DNAH14: variants seen among roughly 807,000 people sequenced by gnomAD.
The protein encoded by DNAH14 is axonemal beta dynein heavy chain 14.
DNAH14 carries 478 observed loss-of-function variants against 520.9 expected under a neutral mutation model. The observed-to-expected ratio is 0.92, with a 90% CI of 0.85 to 0.99. DNAH14 has a LOEUF of 0.99. DNAH14 is among the 50% of genes least tolerant of loss of function. DNAH14 has a pLI of 0.00. For synonymous variants in DNAH14, 1,581 were observed against 1,757.2 expected (o/e 0.90, Z 2.51); for missense variants, 4,831 against 5,234.5 (o/e 0.92, Z 2.38).
At position 225,093,225 on chromosome 1, in the gene DNAH14, C is replaced by T. The variant is rs116335511; in HGVS notation, c.3574-3893C>T. Among the ~76,000 whole-genome samples the T allele has an allele frequency of 1.7e-3, 263 of 151,326 alleles. 1 individual carries two copies. Among genetic ancestry groups the T allele is most frequent in the African/African-American group, 6.0e-3 (250 of 41,452 alleles). On this transcript the variant is annotated intron_variant, in intron 21 of 85. Transcript: ENST00000682510. The stretch of plus-strand genomic sequence containing the variant: ...ACTTCAGGCCAATATCCTTGACAAA[C>T]ATGCACATAAAAATACTAGCAAACT...
intron 1 of DNAH14, among the ~76,000 whole-genome samples, chr1:224,930,806 GC>G (rs2058646477): frequency 6.6e-6 from 1 of 152,178 alleles, no homozygotes; most frequent in African/African-American, 2.4e-5. Flanking sequence ...CACCGTGTTA[GC>G]CAGGATGATC....
At chr1:225,132,235 T>C (rs1488531141) in intron 27 of DNAH14, among the ~76,000 whole-genome samples, 1 of 151,886 alleles carries the variant, frequency 6.6e-6, no homozygotes, top group Non-Finnish European at 1.5e-5. Context: ...CAGGGGTACA[T>C]GTGCAGGATG....
In DNAH14 at chr1:225,340,674, A is replaced by T. The variant is rs1279521366; in HGVS notation, c.10651A>T (p.Thr3551Ser). The change falls in exon 69 of 86, where the codon ACA becomes TCA. Residue 3551 changes from threonine (T) to serine (S), a missense_variant. By Grantham distance (58) the Thr-to-Ser change is moderately conservative. Coordinates refer to ENST00000682510, the MANE Select transcript of DNAH14 (RefSeq NM_001367479.1). ...AACTCTTGAAGAACTAGAGGAAAAA[A>T]CATTAAATTTACTGCAGAAAGCACT... Reference protein sequence around the residue: ...AITLEELEEKTLNLLQKALGS... With the variant: ...AITLEELEEKSLNLLQKALGS... 1.3e-6 allele frequency: 2 copies of T among 1,551,234 alleles called. No homozygotes were observed. Among genetic ancestry groups the T allele is most frequent in the African/African-American group, 2.7e-5 (2 of 73,022 alleles).
At chr1:225,074,251 G>A (rs1210954954) in intron 17 of DNAH14, among the ~76,000 whole-genome samples, 3 of 152,132 alleles carry the variant, frequency 2.0e-5, no homozygotes, top group East Asian at 3.9e-4. Flanking sequence ...CGCCTGCCTC[G>A]GCCTCCCAAA....
intron 17 of DNAH14, among the ~76,000 whole-genome samples, chr1:225,058,456 T>A (rs1321576555): frequency 2.6e-5 from 4 of 152,214 alleles, no homozygotes; most frequent in African/African-American, 9.7e-5. Flanking sequence ...GGTCTATCAA[T>A]TTTGTTGATC....
chr1:225,388,871 G>T (rs2095872068), intron 82 of DNAH14, among the ~76,000 whole-genome samples: 1 of 152,084 alleles, frequency 6.6e-6, no homozygotes, highest in South Asian at 2.1e-4. Context: ...CCACCTTCTG[G>T]GTTCAAGCAA....
chr1:225,358,618 T>C lies in DNAH14; in HGVS notation c.11742T>C (p.Asn3914=). Residue 3914 remains asparagine, a synonymous_variant, in exon 74 of 86, where the codon AAT becomes AAC. Transcript: ENST00000682510. Reference sequence around the variant, plus strand: ...TGAAAGATGCATATAAAGGATCCAATGCCAGAACTCCGCTGATACTTATTC... The same window carrying C: ...TGAAAGATGCATATAAAGGATCCAACGCCAGAACTCCGCTGATACTTATTC... ...VNLKDAYKGS[N]ARTPLILIQT... 1 of 1,548,336 alleles carries C rather than the reference T, an allele frequency of 6.5e-7. No individual in the cohort carries two copies. The highest frequency in any genetic ancestry group is 1.2e-5 in the South Asian group (1 of 82,940).
chr1:225,241,305 G>A (rs2091949770), intron 43 of DNAH14, among the ~76,000 whole-genome samples: 2 of 152,112 alleles, frequency 1.3e-5, no homozygotes, highest in African/African-American at 4.8e-5. Flanking sequence ...ATTAGCTGTT[G>A]TTGACTAAAA....
At chr1:225,009,811 G>A (rs1409947877) in intron 10 of DNAH14, among the ~76,000 whole-genome samples, 5 of 151,700 alleles carry the variant, frequency 3.3e-5, no homozygotes, top group Non-Finnish European at 4.4e-5. Flanking sequence ...TCCTTGAAGA[G>A]GTCCTTCACA....
chr1:225,266,680 G>T lies in DNAH14; in HGVS notation c.7450G>T (p.Asp2484Tyr). 1 of 1,513,980 alleles carries T rather than the reference G, an allele frequency of 6.6e-7. No homozygotes were observed. The highest frequency in any genetic ancestry group is 8.8e-7 in the Non-Finnish European group (1 of 1,136,164). 93.8% of individuals were successfully genotyped at this position (1,513,980 alleles called of 1,614,324 possible). The change falls in exon 49 of 86, where the codon GAT becomes TAT. Residue 2484 changes from aspartate to tyrosine, a missense_variant. Asp to Tyr is a radical substitution (Grantham distance 160). Transcript: ENST00000682510. Reference sequence around the variant, plus strand: ...TGATGATATGAATATGCCAGTATCAGATATGTATGGAGCACAGCCACCCCT... The same window carrying T: ...TGATGATATGAATATGCCAGTATCATATATGTATGGAGCACAGCCACCCCT... ...FIDDMNMPVS[D>Y]MYGAQPPLEL... is the part of the protein sequence containing the mutation.
intron 8 of DNAH14, among the ~76,000 whole-genome samples, chr1:224,983,546 A>C (rs2062420798): frequency 6.6e-6 from 1 of 152,214 alleles, no homozygotes; most frequent in South Asian, 2.1e-4. Flanking sequence ...AGTCTTAGCC[A>C]GAGCAGTCCA....
intron 83 of DNAH14, among the ~76,000 whole-genome samples, chr1:225,391,405 G>A (rs895867377): frequency 6.6e-5 from 10 of 152,182 alleles, no homozygotes; most frequent in African/African-American, 2.2e-4. Flanking sequence ...CCAGGAGGTC[G>A]AGGCTGCAGT....
At chr1:225,263,590 G>A (rs2093013986) in intron 46 of DNAH14, among the ~76,000 whole-genome samples, 1 of 151,756 alleles carries the variant, frequency 6.6e-6, no homozygotes, top group Admixed American at 6.6e-5. Context: ...TTTAGTCCAA[G>A]CCACCATCAT....
chr1:225,238,250 A>G (rs1364318503), intron 42 of DNAH14, among the ~76,000 whole-genome samples: 1 of 152,098 alleles, frequency 6.6e-6, no homozygotes, highest in East Asian at 1.9e-4. Context: ...TTGTGGGCTT[A>G]TCTATCTTAA....
chr1:225,043,482 C>A (rs1446174793), intron 13 of DNAH14, among the ~76,000 whole-genome samples: 1 of 152,126 alleles, frequency 6.6e-6, no homozygotes, highest in African/African-American at 2.4e-5. Context: ...TCATTTTCAT[C>A]TCAAAACCCA....
chr1:225,089,464 A>AAAAAG (rs775049047), intron 21 of DNAH14, among the ~76,000 whole-genome samples: 15 of 138,424 alleles, frequency 1.1e-4, no homozygotes, highest in African/African-American at 2.7e-4. Context: ...AAAAAAAAAA[A>AAAAAG]AGAGAGCGAG....
chr1:225,148,938 CTT>C (rs1178485667), intron 31 of DNAH14, among the ~76,000 whole-genome samples: 9 of 152,076 alleles, frequency 5.9e-5, no homozygotes, highest in Non-Finnish European at 5.9e-5. Flanking sequence ...TGCAGAAACT[CTT>C]TAGTTTAACT....
At chr1:225,005,721 A>G (rs1406602334) in intron 9 of DNAH14, among the ~76,000 whole-genome samples, 1 of 152,108 alleles carries the variant, frequency 6.6e-6, no homozygotes, top group Non-Finnish European at 1.5e-5. Flanking sequence ...AGATAAACAT[A>G]TCTGTATATT....
chr1:225,191,367 T>G (rs767629149), intron 37 of DNAH14, among the ~76,000 whole-genome samples: 4 of 152,028 alleles, frequency 2.6e-5, no homozygotes, highest in African/African-American at 2.4e-5. Context: ...ACAGTTTTGG[T>G]TTTTAGTTTG....
Sources: allele counts gnomAD v4.1 joint callset (sites outside exome capture counted in the v4.1 genomes callset), GRCh38; gene constraint gnomAD v4.1.1; transcripts MANE v1.5; gene names NCBI Gene and HGNC (gene_info 2026-07-23, HGNC 2026-07-21).